The following ARFGEF3 variants were observed in gnomAD, a reference collection of about 807,000 sequenced individuals.
ARFGEF3 encodes brefeldin A-inhibited guanine nucleotide-exchange protein 3.
A neutral mutation model predicts 221.7 loss-of-function variants in ARFGEF3; 96 were observed. The ratio of observed to expected loss-of-function variants is 0.43; its 90% confidence interval spans 0.37 to 0.51. The LOEUF (loss-of-function observed/expected upper bound fraction) is 0.51. Among genes scored for constraint, ARFGEF3 ranks in the 20% least tolerant of loss-of-function variants. The pLI is 0.00. For synonymous variants in ARFGEF3, 1,145 were observed against 1,126.8 expected, an observed-to-expected ratio of 1.02 and a Z score of -0.32; for missense variants, 2,410 against 2,789.9, an observed-to-expected ratio of 0.86 and a Z score of 3.07.
rs998952342 is a variant in ARFGEF3, at chr6:138,339,527, T to A, written c.*3041T>A. The stretch of plus-strand genomic sequence containing the variant: ...TTGCCTGTATTTATAGCCAAAAGTA[T>A]ATTACCTTAAAGTTGAGATCTTTCT... On this transcript the variant is annotated 3_prime_UTR_variant, in exon 34 of 34. Coordinates refer to ENST00000251691, the MANE Select transcript of ARFGEF3 (RefSeq NM_020340.5). 2 of 152,254 alleles carry A rather than the reference T, an allele frequency of 1.3e-5. No homozygotes were observed. Among genetic ancestry groups the A allele is most frequent in the Non-Finnish European group, 2.9e-5 (2 of 68,042 alleles). The allele number at this position is 152,254 out of a possible 1,614,324, so 9.4% of individuals were successfully genotyped here.
intron 24 of ARFGEF3, 41 bp downstream of exon 24, chr6:138,308,902 A>T: frequency 6.2e-7 from 1 of 1,612,738 alleles, no homozygotes. Flanking sequence ...ACTGCTGAGG[A>T]CCCTTTCCAG....
At chr6:138,164,165 C>G (rs770744826) in intron 1 of ARFGEF3, among the ~76,000 whole-genome samples, 2 of 152,210 alleles carry the variant, frequency 1.3e-5, no homozygotes, top group Admixed American at 6.5e-5. Flanking sequence ...CTTTCCCACT[C>G]CAGTCCATTT....
chr6:138,230,860 T>C (rs1778179214), intron 5 of ARFGEF3, among the ~76,000 whole-genome samples: 1 of 152,218 alleles, frequency 6.6e-6, no homozygotes, highest in African/African-American at 2.4e-5. Flanking sequence ...TGCATTTGTT[T>C]TTAATTGAAT....
At chr6:138,246,153 C>T (rs1179529393) in intron 8 of ARFGEF3, among the ~76,000 whole-genome samples, 2 of 152,208 alleles carry the variant, frequency 1.3e-5, no homozygotes, top group African/African-American at 2.4e-5. Context: ...ATGCCTGCTG[C>T]TCCATCTTTC....
intron 22 of ARFGEF3, among the ~76,000 whole-genome samples, chr6:138,299,318 A>G (rs369059523): frequency 6.6e-6 from 1 of 150,710 alleles, no homozygotes; most frequent in African/African-American, 2.4e-5. Context: ...AGAAAAGTTT[A>G]GCAATTTGAC....
intron 2 of ARFGEF3, among the ~76,000 whole-genome samples, chr6:138,183,020 A>G (rs948159552): frequency 3.3e-5 from 5 of 151,986 alleles, no homozygotes; most frequent in Admixed American, 2.0e-4. Context: ...GTTTTTCTGT[A>G]TTTACCAGCT....
intron 5 of ARFGEF3, among the ~76,000 whole-genome samples, chr6:138,230,460 T>G (rs2114534016): frequency 6.6e-6 from 1 of 152,322 alleles, no homozygotes; most frequent in East Asian, 1.9e-4. Flanking sequence ...TTTAATATGC[T>G]TGGAATAATT....
intron 14 of ARFGEF3, among the ~76,000 whole-genome samples, chr6:138,285,095 C>G (rs1305843614): frequency 6.6e-6 from 1 of 152,174 alleles, no homozygotes; most frequent in African/African-American, 2.4e-5. Context: ...AAAAATAATA[C>G]TGACCTACTT....
At chr6:138,276,000 G>A (rs1264454066) in intron 12 of ARFGEF3, among the ~76,000 whole-genome samples, 4 of 152,206 alleles carry the variant, frequency 2.6e-5, no homozygotes, top group African/African-American at 9.7e-5. Flanking sequence ...CACAAATGTA[G>A]AGATGAACTG....
chr6:138,315,849 C>CA (rs11374649), intron 26 of ARFGEF3, among the ~76,000 whole-genome samples: 27,617 of 137,736 alleles, frequency 0.2, 3,090 homozygotes, highest in African/African-American at 0.34. Context: ...GACTGCATCT[C>CA]AAAAAAAAAA....
intron 22 of ARFGEF3, among the ~76,000 whole-genome samples, chr6:138,303,529 G>T (rs1055961092): frequency 5.7e-4 from 87 of 152,112 alleles, no homozygotes; most frequent in South Asian, 4.1e-4. Flanking sequence ...TAGCGGCCAG[G>T]CACAGTGGCT....
chr6:138,254,020 C>A, intron 9 of ARFGEF3, 36 bp downstream of exon 9: 1 of 1,406,616 alleles, frequency 7.1e-7, no homozygotes. Context: ...ACGCTGATGC[C>A]AACCCAAGGG....
At chr6:138,246,848 T>G (rs977215125) in intron 8 of ARFGEF3, among the ~76,000 whole-genome samples, 2 of 152,182 alleles carry the variant, frequency 1.3e-5, no homozygotes, top group Non-Finnish European at 2.9e-5. Flanking sequence ...TTACAGCTGC[T>G]CTTGCCACTG....
rs1780413331 is a variant in ARFGEF3, at chr6:138,340,658, C to T, written c.*4172C>T. ...AACCTTGTGAGACAAGTGTTGTGTT[C>T]CTCATTTTTTCAGAGGGGAACACAG... On this transcript the variant is annotated 3_prime_UTR_variant, in exon 34 of 34. Coordinates refer to ENST00000251691, the MANE Select transcript of ARFGEF3 (RefSeq NM_020340.5). The T allele has an allele frequency of 6.6e-6, 1 of 152,102 alleles. No homozygotes were observed. The highest frequency in any genetic ancestry group is 2.1e-4 in the South Asian group (1 of 4,826). The allele number at this position is 152,102 out of a possible 1,614,324, so 9.4% of individuals were successfully genotyped here. A position where few individuals can be genotyped will look rare whatever the true frequency, so the allele number is the denominator to read the frequency against.
chr6:138,286,235 G>A (rs1779287027), intron 15 of ARFGEF3, among the ~76,000 whole-genome samples, 182 bp downstream of exon 15: 1 of 152,172 alleles, frequency 6.6e-6, no homozygotes, highest in Non-Finnish European at 1.5e-5. Context: ...CAGATCACGA[G>A]GTCAGGAGAT....
chr6:138,236,883 A>G lies in ARFGEF3; in HGVS notation c.421-1626A>G, dbSNP rs541060343. 1.7e-4 allele frequency among the ~76,000 whole-genome samples: 26 copies of G among 152,362 alleles called. 1 individual carries two copies. The highest frequency in any genetic ancestry group is 1.7e-3 in the Admixed American group (26 of 15,306). ...TCACGTGCCCTAAATACTTTTATGA[A>G]AAATAAATACTTTATAACTTGCTTT... On this transcript the variant is annotated intron_variant, in intron 5 of 33. Coordinates refer to ENST00000251691, the MANE Select transcript of ARFGEF3 (RefSeq NM_020340.5).
At position 138,323,814 on chromosome 6, in the gene ARFGEF3, C is replaced by A. The variant is rs375031033; in HGVS notation, c.4869+41C>A. 4 of 1,594,646 alleles carry A rather than the reference C, an allele frequency of 2.5e-6. No individual in the cohort carries two copies. The African/African-American group carries it at 5.4e-5, about 21-fold the overall frequency. On this transcript the variant is annotated intron_variant, in intron 30 of 33. Transcript: ENST00000251691. The stretch of plus-strand genomic sequence containing the variant: ...GAAGCCCTCCCTGGCACAGTTCTAA[C>A]CATCTTTAGCTCCTGATCCCTTACC...
At position 138,291,966 on chromosome 6, in the gene ARFGEF3, G is replaced by A. The variant is rs1357254638; in HGVS notation, c.3281G>A (p.Gly1094Asp). The change falls in exon 19 of 34, where the codon GGT becomes GAT. Residue 1094 changes from glycine to aspartate, a missense_variant. Physicochemically the swap from Gly to Asp is moderately conservative, Grantham distance 94 (BLOSUM62 -1). Around this residue, in one of 5 missense-constraint regions of ARFGEF3, gnomAD observed 184 missense variants for 141.8 expected, o/e 1.30. Coordinates refer to ENST00000251691, the MANE Select transcript of ARFGEF3 (RefSeq NM_020340.5). This position sits in a 1 kb window ranked among gnomAD's most constrained non-coding sequence, Gnocchi z 4.5. ...IQDLVREGSR[G>D]RASDFRGGSL... ...GACCTCGTCCGGGAAGGCAGCCGGG[G>A]TCGGGCCTCCGACTTCCGCGGCGGG... 6.5e-7 allele frequency: 1 copy of A among 1,534,626 alleles called. No homozygotes were observed.
chr6:138,214,371 TTA>T (rs1777794434), intron 4 of ARFGEF3, among the ~76,000 whole-genome samples: 1 of 152,268 alleles, frequency 6.6e-6, no homozygotes, highest in African/African-American at 2.4e-5. Context: ...TCCAGTCATT[TTA>T]TATAAGTATT....
Sources: gnomAD v4.1 joint callset for allele counts (sites outside exome capture counted in the v4.1 genomes callset) on GRCh38, gnomAD v4.1.1 for gene constraint, gnomAD v4.1.1 regional missense constraint, Gnocchi (gnomAD v3.1) non-coding constraint, MANE v1.5 for transcripts, NCBI Gene and HGNC (gene_info 2026-07-23, HGNC 2026-07-21) for gene names.